Variants in HAUS7 observed in about 807,000 individuals in gnomAD.
The protein encoded by HAUS7 is HAUS augmin-like complex subunit 7.
Under a neutral mutation model 28.4 loss-of-function variants are expected in HAUS7, and 3 were observed. The ratio of observed to expected loss-of-function variants is 0.11; its 90% CI spans 0.05 to 0.27. The LOEUF is 0.27. HAUS7 is among the 10% of genes least tolerant of loss of function. The probability of loss-of-function intolerance (pLI) is 1.00; values close to 1 mark genes in which losing one functional copy is unlikely to be tolerated. For missense variants in HAUS7, 284 were observed against 297.3 expected, an observed-to-expected ratio of 0.96 and a Z score of 0.33; for synonymous variants, 165 against 132.1, an observed-to-expected ratio of 1.25 and a Z score of -1.71.
chrX:153,454,207 C>T (rs782663802), intron 9 of HAUS7, among the ~76,000 whole-genome samples, 187 bp downstream of exon 9: 6 of 112,573 alleles, frequency 5.3e-5, no homozygotes, highest in South Asian at 3.6e-4. Flanking sequence ...CAATTTTCTA[C>T]GATGAGCGTT....
upstream of HAUS7, among the ~76,000 whole-genome samples, chrX:153,472,435 ACCACCCACCACCTGCCACCCACCACCCG>A (rs1186842749): frequency 7.4e-5 from 1 of 13,544 alleles, no homozygotes; most frequent in Non-Finnish European, 1.6e-4. Flanking sequence ...CCCACCACCC[ACCACCCACCACCTGCCACCCACCACCCG>A]CCCCCAGAAT....
intron 1 of HAUS7, chrX:153,485,831 C>T (rs782200696): frequency 4.4e-6 from 4 of 901,799 alleles, no homozygotes; most frequent in African/African-American, 4.2e-5. Context: ...CTTCCTGCCG[C>T]GGGGCCTGAG....
chrX:153,448,475 G>A (rs7065282), intron 9 of HAUS7, among the ~76,000 whole-genome samples: 10,185 of 108,712 alleles, frequency 0.094, 1,163 homozygotes, highest in African/African-American at 0.31. Context: ...GCACACCAAC[G>A]TGGCACATGT....
intron 1 of HAUS7, chrX:153,480,474 C>A: frequency 4.1e-6 from 2 of 488,677 alleles, no homozygotes; most frequent in Non-Finnish European, 5.0e-6. Context: ...AAAGGCGGGG[C>A]GGGGGGAGGC....
At chrX:153,469,977 A>G (rs1051764205) in intron 1 of HAUS7, among the ~76,000 whole-genome samples, 4 of 110,855 alleles carry the variant, frequency 3.6e-5, no homozygotes, top group Non-Finnish European at 7.6e-5. Flanking sequence ...AGCTTTCCTC[A>G]CTGCTGCAGT....
At chrX:153,472,913 G>C (rs1214994738), upstream of HAUS7, among the ~76,000 whole-genome samples, 2 of 110,320 alleles carry the variant, frequency 1.8e-5, no homozygotes, top group African/African-American at 6.6e-5. Flanking sequence ...GAAGCTGGGG[G>C]GTCCTGGTCA....
At chrX:153,486,463 G>A (rs1306653860) in intron 1 of HAUS7, among the ~76,000 whole-genome samples, 2 of 112,538 alleles carry the variant, frequency 1.8e-5, no homozygotes, top group Admixed American at 1.9e-4. Flanking sequence ...GGGGCCAGGA[G>A]GCCGCAGTGG....
intron 5 of HAUS7, 197 bp downstream of exon 5, chrX:153,456,940 C>T: frequency 4.5e-6 from 2 of 442,945 alleles, no homozygotes. Context: ...CCTTGGGCAA[C>T]AGCCAGCACC....
intron 3 of HAUS7, among the ~76,000 whole-genome samples, chrX:153,464,302 G>A (rs1189176098): frequency 8.9e-6 from 1 of 112,818 alleles, no homozygotes; most frequent in African/African-American, 3.2e-5. Flanking sequence ...AGGGAGAAGG[G>A]CAGTGCCTCT....
intron 1 of HAUS7, among the ~76,000 whole-genome samples, chrX:153,488,796 T>TC (rs2089654421): frequency 8.9e-6 from 1 of 111,887 alleles, no homozygotes; most frequent in African/African-American, 3.3e-5. Flanking sequence ...GCTGGGTGAG[T>TC]CCCCGACATC....
At chrX:153,466,583 G>A (rs1293806342) in intron 2 of HAUS7, among the ~76,000 whole-genome samples, 6 of 111,887 alleles carry the variant, frequency 5.4e-5, no homozygotes, top group South Asian at 3.8e-4. Flanking sequence ...GACAGGGTGC[G>A]GTCACGTACA....
At chrX:153,466,976 C>T (rs2089462443) in intron 2 of HAUS7, among the ~76,000 whole-genome samples, 1 of 112,065 alleles carries the variant, frequency 8.9e-6, no homozygotes, top group South Asian at 3.7e-4. Flanking sequence ...GGATATGGGA[C>T]ACTCAACCTG....
At chrX:153,483,538 C>A in intron 1 of HAUS7, 1 of 687,047 alleles carries the variant, frequency 1.5e-6, no homozygotes, top group South Asian at 7.5e-5. Context: ...GTGGGGAAGG[C>A]GGAGAGGGCA....
chrX:153,461,975 G>T, intron 4 of HAUS7: 1 of 458,488 alleles, frequency 2.2e-6, no homozygotes, highest in Non-Finnish European at 3.8e-6. Flanking sequence ...TCCCTAAATC[G>T]TAGAAAACCA....
intron 9 of HAUS7, among the ~76,000 whole-genome samples, chrX:153,449,552 C>T (rs782450518): frequency 2.7e-5 from 3 of 112,926 alleles, no homozygotes; most frequent in African/African-American, 9.6e-5. Context: ...ACTCTTGGTG[C>T]AGGGCTTGGC....
chrX:153,466,757 T>A (rs1221873447), intron 2 of HAUS7, among the ~76,000 whole-genome samples: 1 of 112,170 alleles, frequency 8.9e-6, no homozygotes, highest in African/African-American at 3.2e-5. Context: ...TTTACAGAAG[T>A]ACTACAGGTT....
chrX:153,458,760 T>A, intron 4 of HAUS7, among the ~76,000 whole-genome samples: 1 of 69,563 alleles, frequency 1.4e-5, no homozygotes. Flanking sequence ...ACTGGGATTT[T>A]CCTTTTTTTT....
intron 4 of HAUS7, among the ~76,000 whole-genome samples, chrX:153,461,109 G>A (rs2089384203): frequency 9.7e-6 from 1 of 102,726 alleles, no homozygotes; most frequent in African/African-American, 4.6e-5. Flanking sequence ...AGGAACGGCA[G>A]GCAAGAGGCG....
intron 1 of HAUS7, among the ~76,000 whole-genome samples, chrX:153,487,694 G>A (rs1024363791): frequency 8.9e-6 from 1 of 112,597 alleles, no homozygotes; most frequent in Non-Finnish European, 1.9e-5. Context: ...GCCAAGCCCC[G>A]CCCTGAGCAC....
Sources: allele counts gnomAD v4.1 joint callset (sites outside exome capture counted in the v4.1 genomes callset), GRCh38; gene constraint gnomAD v4.1.1; transcripts MANE v1.5; gene names NCBI Gene and HGNC (gene_info 2026-07-23, HGNC 2026-07-21).